Variants in CSNK1D observed in about 807,000 individuals in gnomAD.
CSNK1D encodes the protein casein kinase 1 delta, also known as casein kinase I isoform delta.
In CSNK1D, 16 loss-of-function variants were observed where a neutral mutation model predicts 46.6. That is an observed-to-expected ratio of 0.34 (90% confidence interval 0.23 to 0.52). The LOEUF (loss-of-function observed/expected upper bound fraction) is 0.52, where lower values mean the gene tolerates loss of function less well. Ranked by LOEUF, CSNK1D falls within the 20% of genes least tolerant of loss-of-function variation. The pLI, the probability that CSNK1D is intolerant of heterozygous loss-of-function variation, is 0.95. For synonymous variants in CSNK1D, 276 were observed against 228.2 expected (o/e 1.21, Z -1.89); for missense variants, 398 against 578.4 (o/e 0.69, Z 3.20).
At chr17:82,265,519 C>G (rs1469410364) in intron 2 of CSNK1D, 167 bp downstream of exon 2, 2 of 673,674 alleles carry the variant, frequency 3.0e-6, no homozygotes, top group African/African-American at 3.5e-5. Flanking sequence ...TCTCTGGACC[C>G]AAGACTCTCT....
At chr17:82,260,539 C>T (rs1450104397) in intron 2 of CSNK1D, among the ~76,000 whole-genome samples, 1 of 149,410 alleles carries the variant, frequency 6.7e-6, no homozygotes, top group Non-Finnish European at 1.5e-5. Flanking sequence ...TGATGGTGTA[C>T]TGAGTGATGT....
chr17:82,241,934 C>T (rs1345051995), downstream of CSNK1D, among the ~76,000 whole-genome samples: 2 of 152,222 alleles, frequency 1.3e-5, no homozygotes, highest in African/African-American at 2.4e-5. Context: ...CTTAGAGCAA[C>T]CTCCAGGCAA....
At position 82,248,988 on chromosome 17, in the gene CSNK1D, C is replaced by T. The variant is rs932654301; in HGVS notation, c.1084G>A (p.Gly362Ser). The change falls in exon 8 of 9, where the codon GGC becomes AGC. Residue 362 changes from glycine (G) to serine (S), a missense_variant. Gly to Ser is a moderately conservative substitution (Grantham distance 56). This residue lies in a region of CSNK1D where 181 missense variants were observed against 208.0 expected (regional missense o/e 0.87). Transcript: ENST00000314028. This position sits in a 1 kb window ranked among gnomAD's most constrained non-coding sequence, Gnocchi z 4.1. ...CTCACTTTCCGCTCTCTCTCCATGCCGGAGACGGGCCGGGGGGAGGTGTTA... is the reference window on the plus strand; with the variant it reads ...CTCACTTTCCGCTCTCTCTCCATGCTGGAGACGGGCCGGGGGGAGGTGTTA... Reference protein sequence around the residue: ...TANTSPRPVSGMERERKVSMR... With the variant: ...TANTSPRPVSSMERERKVSMR... 1.1e-5 allele frequency: 18 copies of T among 1,570,748 alleles called. No individual in the cohort carries two copies. Among genetic ancestry groups the T allele is most frequent in the African/African-American group, 5.4e-5 (4 of 73,816 alleles).
At chr17:82,239,844 G>C (rs2050715490), downstream of CSNK1D, 1 of 465,460 alleles carries the variant, frequency 2.1e-6, no homozygotes, top group East Asian at 3.5e-5. Flanking sequence ...GCCCAGGGCT[G>C]GTCTTTGCAC....
At chr17:82,270,697 C>T (rs1035791197) in intron 1 of CSNK1D, among the ~76,000 whole-genome samples, 10 of 152,110 alleles carry the variant, frequency 6.6e-5, no homozygotes, top group African/African-American at 1.9e-4. Flanking sequence ...GCCTTTCCTC[C>T]GTGGGGTCGT....
chr17:82,271,076 C>T (rs1199327461), intron 1 of CSNK1D, among the ~76,000 whole-genome samples: 1 of 152,070 alleles, frequency 6.6e-6, no homozygotes, highest in African/African-American at 2.4e-5. Flanking sequence ...CAAAGTACTT[C>T]TTATTTATTT....
chr17:82,268,067 C>T (rs1436518856), intron 1 of CSNK1D, among the ~76,000 whole-genome samples: 2 of 152,254 alleles, frequency 1.3e-5, no homozygotes, highest in African/African-American at 4.8e-5. Context: ...TGCAAGCACA[C>T]AGAGCCAGCC....
intron 2 of CSNK1D, among the ~76,000 whole-genome samples, chr17:82,256,662 C>G (rs926036418): frequency 1.3e-5 from 2 of 152,182 alleles, no homozygotes; most frequent in Non-Finnish European, 2.9e-5. Context: ...GGAATGTGCA[C>G]CGCAGCCTCA....
chr17:82,260,724 G>GACTGATGTGACTGATGGTGT, intron 2 of CSNK1D, among the ~76,000 whole-genome samples: 1 of 142,686 alleles, frequency 7.0e-6, no homozygotes, highest in Non-Finnish European at 1.5e-5. Flanking sequence ...ATGGTGTACT[G>GACTGATGTGACTGATGGTGT]ACTGACGGTG....
At chr17:82,260,674 CTGACTGATG>C (rs1188899831) in intron 2 of CSNK1D, among the ~76,000 whole-genome samples, 3 of 148,276 alleles carry the variant, frequency 2.0e-5, no homozygotes, top group Admixed American at 2.0e-4. Context: ...TGATGGTGTA[CTGACTGATG>C]TGACTGATGG....
chr17:82,247,026 A>G (rs887842520), intron 8 of CSNK1D: 2 of 985,328 alleles, frequency 2.0e-6, no homozygotes, highest in Non-Finnish European at 2.4e-6. Context: ...CCTTCCTGTG[A>G]GATGGTGACA....
chr17:82,262,899 G>C (rs1393399548), intron 2 of CSNK1D, among the ~76,000 whole-genome samples: 1 of 152,244 alleles, frequency 6.6e-6, no homozygotes, highest in Non-Finnish European at 1.5e-5. Context: ...TACAGTATCT[G>C]ACGGGCGCGA....
intron 2 of CSNK1D, among the ~76,000 whole-genome samples, chr17:82,260,366 GGACTGATGTGACTGATGGTGTACT>G (rs2051301159): frequency 1.3e-5 from 1 of 74,272 alleles, no homozygotes; most frequent in African/African-American, 5.6e-5. Flanking sequence ...GATGGTGTAC[GGACTGATGTGACTGATGGTGTACT>G]GACTGATGGT....
Position 82,273,099 on chromosome 17 carries a change from G to GC in CSNK1D, c.76+206dup. On this transcript the variant is annotated intron_variant, in intron 1 of 8. Coordinates refer to ENST00000314028, the MANE Select transcript of CSNK1D (RefSeq NM_001893.6). The surrounding 1 kb of genome is among the most constrained non-coding windows in gnomAD (Gnocchi z 5.1). ...GACCCTGCTCCCCCGACCTGGTCCT[G>GC]CCCCTCCCCCACGTCCGCTCCCCAC... The GC allele has an allele frequency of 2.5e-6, 1 of 395,152 alleles. No homozygotes were observed. Among genetic ancestry groups the GC allele is most frequent in the Non-Finnish European group, 4.4e-6 (1 of 227,184 alleles). 24.5% of individuals were successfully genotyped at this position (395,152 alleles called of 1,614,324 possible).
In CSNK1D at chr17:82,273,213, C is replaced by G; in HGVS notation, c.76+93G>C. On this transcript the variant is annotated intron_variant, in intron 1 of 8. Transcript: ENST00000314028. This position sits in a 1 kb window ranked among gnomAD's most constrained non-coding sequence, Gnocchi z 5.1. ...TGCCGGGACTTGCGCGGAGACCCCG[C>G]GGGGGCCACCACTTCCTTCCGCGAT... is the stretch of plus-strand genomic sequence containing the variant. 2.3e-6 allele frequency: 3 copies of G among 1,291,046 alleles called. No individual in the cohort carries two copies. Among genetic ancestry groups the G allele is most frequent in the Non-Finnish European group, 3.2e-6 (3 of 929,184 alleles). 80.0% of individuals were successfully genotyped at this position (1,291,046 alleles called of 1,614,324 possible). A position where few individuals can be genotyped will look rare whatever the true frequency, so the allele number is the denominator to read the frequency against.
chr17:82,252,564 C>T lies in CSNK1D; in HGVS notation c.606G>A (p.Val202=), dbSNP rs1214915103. 1 of 1,614,050 alleles carries T rather than the reference C, an allele frequency of 6.2e-7. No homozygotes were observed. The highest frequency in any genetic ancestry group is 8.5e-7 in the Non-Finnish European group (1 of 1,180,040). ...RRDDLESLGY[V]LMYFNLGSLP... ...GAGAGCCCAGGTTGAAGTACATTAG[C>T]ACGTAGCCCAGAGACTCCAAGTCAT... Residue 202 remains valine, a synonymous_variant, in exon 5 of 9, where the codon GTG becomes GTA. Coordinates refer to ENST00000314028, the MANE Select transcript of CSNK1D (RefSeq NM_001893.6). The surrounding 1 kb of genome is among the most constrained non-coding windows in gnomAD (Gnocchi z 4.6).
chr17:82,257,600 C>T (rs1221064061), intron 2 of CSNK1D, among the ~76,000 whole-genome samples: 3 of 152,202 alleles, frequency 2.0e-5, no homozygotes, highest in Non-Finnish European at 2.9e-5. Flanking sequence ...GACTGACAGC[C>T]GTGCCAGCCA....
chr17:82,240,441 G>A (rs1030096303), downstream of CSNK1D, among the ~76,000 whole-genome samples: 3 of 152,180 alleles, frequency 2.0e-5, no homozygotes, highest in African/African-American at 7.2e-5. Flanking sequence ...ACACCCAGGG[G>A]TTGCCGCCTC....
Position 82,249,870 on chromosome 17 carries a change from A to C in CSNK1D, c.886-268T>G. The stretch of plus-strand genomic sequence containing the variant: ...CTCCCTGTGGGCTCAGAACTTCCTT[A>C]AACTTCCAAATGGGCAGCAGCTACC... On this transcript the variant is annotated intron_variant, in intron 6 of 8. Coordinates refer to ENST00000314028, the MANE Select transcript of CSNK1D (RefSeq NM_001893.6). This position sits in a 1 kb window ranked among gnomAD's most constrained non-coding sequence, Gnocchi z 6.7. 7.1e-7 allele frequency: 1 copy of C among 1,408,358 alleles called. No homozygotes were observed. The highest frequency in any genetic ancestry group is 9.2e-7 in the Non-Finnish European group (1 of 1,082,774). 87.2% of individuals were successfully genotyped at this position (1,408,358 alleles called of 1,614,324 possible).
Sources: gnomAD v4.1 joint callset for allele counts (sites outside exome capture counted in the v4.1 genomes callset) on GRCh38, gnomAD v4.1.1 for gene constraint, gnomAD v4.1.1 regional missense constraint, Gnocchi (gnomAD v3.1) non-coding constraint, MANE v1.5 for transcripts, NCBI Gene and HGNC (gene_info 2026-07-23, HGNC 2026-07-21) for gene names.